The following SLC9A9 variants were observed in gnomAD, a reference collection of about 807,000 sequenced individuals.
The protein encoded by SLC9A9 is solute carrier family 9 member A9, also known as sodium/hydrogen exchanger 9.
In SLC9A9, 62 loss-of-function variants were observed where a neutral mutation model predicts 77.8. The ratio of observed to expected loss-of-function variants is 0.80; its 90% CI spans 0.65 to 0.98. The LOEUF (loss-of-function observed/expected upper bound fraction) is 0.98, where lower values mean the gene tolerates loss of function less well. Ranked by LOEUF, SLC9A9 falls within the 50% of genes least tolerant of loss-of-function variation. The pLI, the probability that SLC9A9 is intolerant of heterozygous loss-of-function variation, is 0.00. For synonymous variants in SLC9A9, 320 were observed against 283.5 expected (o/e 1.13, Z -1.29); for missense variants, 775 against 774.9 (o/e 1.00, Z 0.00).
In SLC9A9 at chr3:143,832,028, T is replaced by C. The variant is rs1284994884; in HGVS notation, c.369A>G (p.Ile123Met). 5 of 1,611,212 alleles carry C rather than the reference T, an allele frequency of 3.1e-6. No individual in the cohort carries two copies. The highest frequency in any genetic ancestry group is 3.4e-6 in the Non-Finnish European group (4 of 1,178,178). The part of the protein sequence containing the change: ...HNINPHQGNA[I>M]LEKMTFDPEI... The stretch of plus-strand genomic sequence containing the variant: ...CAGACAGGATCCTTACCTTTTCAAG[T>C]ATAGCATTTCCTTGATGAGGATTGA... Residue 123 changes from isoleucine (I) to methionine (M), a missense_variant, in exon 2 of 16, where the codon ATA (isoleucine) becomes ATG (methionine). Transcript: ENST00000316549.
intron 4 of SLC9A9, among the ~76,000 whole-genome samples, chr3:143,784,914 T>A (rs564477982): frequency 6.6e-6 from 1 of 152,306 alleles, no homozygotes; most frequent in Admixed American, 6.5e-5. Context: ...AGCTCTCTCA[T>A]CTTCTTTCCA....
intron 2 of SLC9A9, among the ~76,000 whole-genome samples, chr3:143,817,444 G>A (rs1198843354): frequency 3.9e-5 from 6 of 152,184 alleles, no homozygotes; most frequent in East Asian, 1.9e-4. Context: ...CACCGCGCCC[G>A]GCCAAAAGTT....
intron 4 of SLC9A9, among the ~76,000 whole-genome samples, chr3:143,783,896 T>G (rs1269073219): frequency 6.6e-6 from 1 of 152,222 alleles, no homozygotes; most frequent in Non-Finnish European, 1.5e-5. Context: ...TTACCTCTCT[T>G]CAACTGTTTT....
chr3:143,414,948 T>C (rs1266471691), intron 12 of SLC9A9, among the ~76,000 whole-genome samples: 1 of 152,194 alleles, frequency 6.6e-6, no homozygotes, highest in Non-Finnish European at 1.5e-5. Context: ...AAGTTAAAGA[T>C]GCTACTCCTG....
intron 2 of SLC9A9, among the ~76,000 whole-genome samples, chr3:143,821,323 A>G (rs761037100): frequency 3.5e-4 from 53 of 152,344 alleles, no homozygotes; most frequent in Middle Eastern, 3.4e-3. Context: ...CTAACTTTAA[A>G]CATAACTTTT....
chr3:143,706,900 G>T (rs1933996269), intron 4 of SLC9A9, among the ~76,000 whole-genome samples: 1 of 152,080 alleles, frequency 6.6e-6, no homozygotes, highest in African/African-American at 2.4e-5. Flanking sequence ...TGTGTCCCAG[G>T]GAAGCCAAAA....
chr3:143,820,785 TC>T (rs2009145818), intron 2 of SLC9A9, among the ~76,000 whole-genome samples: 1 of 151,514 alleles, frequency 6.6e-6, no homozygotes, highest in Non-Finnish European at 1.5e-5. Flanking sequence ...ATGATTTCTT[TC>T]TTTTTTCCAA....
chr3:143,719,399 T>G (rs1467055131), intron 4 of SLC9A9, among the ~76,000 whole-genome samples: 1 of 152,148 alleles, frequency 6.6e-6, no homozygotes, highest in Non-Finnish European at 1.5e-5. Flanking sequence ...CCCCTTTTCC[T>G]GTGTCTTTAA....
intron 14 of SLC9A9, among the ~76,000 whole-genome samples, chr3:143,281,501 A>T (rs1553738319): frequency 6.6e-6 from 1 of 152,220 alleles, no homozygotes. Flanking sequence ...GACAGGGAGC[A>T]CCACAGAAGA....
intron 3 of SLC9A9, among the ~76,000 whole-genome samples, chr3:143,795,281 GA>G (rs776525691): frequency 0.027 from 1,949 of 72,152 alleles, 17 homozygotes; most frequent in Non-Finnish European, 0.031. Context: ...TCAAGAAGCA[GA>G]AAAAAAAAAA....
chr3:143,405,503 C>T (rs886303068), intron 12 of SLC9A9, among the ~76,000 whole-genome samples: 1 of 152,180 alleles, frequency 6.6e-6, no homozygotes, highest in Non-Finnish European at 1.5e-5. Context: ...TTTTTCCCTC[C>T]TGAAATGGCA....
In SLC9A9 at chr3:143,517,953, T is replaced by C. The variant is rs551816744; in HGVS notation, c.1090-22505A>G. On this transcript the variant is annotated intron_variant, in intron 9 of 15. Transcript: ENST00000316549. The stretch of plus-strand genomic sequence containing the variant: ...TCTCCCATTTCTTAAGGAGCATCAG[T>C]GTCTGGTTCAATCACACCTTCTTTA... The C allele has an allele frequency of 1.5e-4, 217 of 1,467,078 alleles. 4 individuals are homozygous for C. Among genetic ancestry groups the C allele is most frequent in the Non-Finnish European group, 1.8e-4 (194 of 1,055,112 alleles). 90.9% of individuals were successfully genotyped at this position (1,467,078 alleles called of 1,614,324 possible).
chr3:143,276,246 A>G (rs1027856736), intron 14 of SLC9A9, among the ~76,000 whole-genome samples: 1 of 152,236 alleles, frequency 6.6e-6, no homozygotes, highest in African/African-American at 2.4e-5. Flanking sequence ...CTCCAGTTCT[A>G]AGGATGTTTT....
At chr3:143,593,167 G>T (rs1220700569) in intron 6 of SLC9A9, among the ~76,000 whole-genome samples, 2 of 152,214 alleles carry the variant, frequency 1.3e-5, no homozygotes, top group African/African-American at 4.8e-5. Flanking sequence ...GTAAGGTACG[G>T]GCCAGAAGGA....
chr3:143,499,382 T>A (rs1224073605), intron 9 of SLC9A9, among the ~76,000 whole-genome samples: 3 of 152,196 alleles, frequency 2.0e-5, no homozygotes, highest in Admixed American at 2.0e-4. Context: ...CCTAGATATT[T>A]GATGTTTCTT....
chr3:143,473,006 G>GTT (rs35078461), intron 11 of SLC9A9, among the ~76,000 whole-genome samples: 2 of 146,402 alleles, frequency 1.4e-5, no homozygotes, highest in African/African-American at 2.5e-5. Flanking sequence ...CTAGACTTGT[G>GTT]TTTTTTTTTT....
intron 4 of SLC9A9, among the ~76,000 whole-genome samples, chr3:143,737,479 A>G (rs2108814265): frequency 6.7e-6 from 1 of 148,990 alleles, no homozygotes. Flanking sequence ...GAGAGTTAAA[A>G]AAAAAACCAA....
rs75070826 is a variant in SLC9A9 at position 143,628,499 on chromosome 3, T to C, written c.755+23756A>G. ...GTATGGGTGCTCTTAGTATGTTTCC[T>C]ACTGAATGAGTGTCGCTAAACACTC... On this transcript the variant is annotated intron_variant, in intron 6 of 15. Coordinates refer to ENST00000316549, the MANE Select transcript of SLC9A9 (RefSeq NM_173653.4). Among the ~76,000 whole-genome samples, 1,009 of 152,322 alleles carry C rather than the reference T, an allele frequency of 6.6e-3. 5 individuals carry two copies. Among genetic ancestry groups the C allele is most frequent in the South Asian group, 0.016 (78 of 4,824 alleles).
At chr3:143,634,151 A>G (rs1192358099) in intron 6 of SLC9A9, among the ~76,000 whole-genome samples, 1 of 147,380 alleles carries the variant, frequency 6.8e-6, no homozygotes, top group Non-Finnish European at 1.5e-5. Context: ...TCCTTTCTTT[A>G]AGCTTGAAAT....
Sources: gnomAD v4.1 joint callset for allele counts (sites outside exome capture counted in the v4.1 genomes callset) on GRCh38, gnomAD v4.1.1 for gene constraint, MANE v1.5 for transcripts, NCBI Gene and HGNC (gene_info 2026-07-23, HGNC 2026-07-21) for gene names.